Variants in JAK1 observed in about 807,000 individuals in gnomAD.
JAK1 encodes the protein Janus kinase 1.
A neutral mutation model predicts 136.6 loss-of-function variants in JAK1; 16 were observed. That is an observed-to-expected ratio of 0.12 (90% CI 0.08 to 0.18). The LOEUF (loss-of-function observed/expected upper bound fraction) is 0.18. Among genes scored for constraint, JAK1 ranks in the 10% least tolerant of loss-of-function variants. The pLI, the probability that JAK1 is intolerant of heterozygous loss-of-function variation, is 1.00. For synonymous variants in JAK1, 492 were observed against 519.5 expected (o/e 0.95, Z 0.72); for missense variants, 859 against 1,450.1 (o/e 0.59, Z 6.62).
At position 64,883,327 on chromosome 1, in the gene JAK1, C is replaced by A; in HGVS notation, c.155G>T (p.Ser52Ile). The change falls in exon 3 of 25, where the codon AGT becomes ATT. Residue 52 changes from serine to isoleucine, a missense_variant. By Grantham distance (142) the Ser-to-Ile change is moderately radical. This residue lies in a region of JAK1 where 353 missense variants were observed against 494.0 expected (regional missense o/e 0.71). Coordinates refer to ENST00000342505, the MANE Select transcript of JAK1 (RefSeq NM_002227.4). ...CAGTTCCTCTGCTGTGTACTCTCCA[C>A]TGCCCAGCCGGAGGGGCTCCCTGTC... is the stretch of plus-strand genomic sequence containing the variant. ...LSDREPLRLG[S>I]GEYTAEELCI... 1 of 1,614,198 alleles carries A rather than the reference C, an allele frequency of 6.2e-7. No individual in the cohort carries two copies. Among genetic ancestry groups the A allele is most frequent in the Non-Finnish European group, 8.5e-7 (1 of 1,180,010 alleles).
chr1:64,865,091 C>T (rs1004471720), intron 7 of JAK1, 119 bp from the exon 8 acceptor site: 6 of 743,406 alleles, frequency 8.1e-6, no homozygotes, highest in Non-Finnish European at 1.3e-5. Context: ...AAAGCCAGCT[C>T]TTCTGGACTT....
chr1:64,917,568 C>T (rs988192543), intron 1 of JAK1, among the ~76,000 whole-genome samples: 7 of 152,094 alleles, frequency 4.6e-5, no homozygotes, highest in African/African-American at 1.7e-4. Context: ...TGCCAAGATC[C>T]CCGTAGACTG....
At chr1:65,023,485 C>T (rs1646953460) in intron 2 of JAK1, among the ~76,000 whole-genome samples, 1 of 152,008 alleles carries the variant, frequency 6.6e-6, no homozygotes. Context: ...CTAGTCAAAC[C>T]CCCTTTCCTT....
At position 64,845,656 on chromosome 1, in the gene JAK1, T is replaced by C. The variant is rs1429548902; in HGVS notation, c.1988-16A>G. On this transcript the variant is annotated splice_polypyrimidine_tract_variant and intron_variant, in intron 14 of 24. Transcript: ENST00000342505. ...ACCATGATATCTGTAGGCATAAAAA[T>C]AGCCATGTCTGGAACCTGGTCTGTG... The C allele has an allele frequency of 6.2e-7, 1 of 1,614,128 alleles. No homozygotes were observed. The highest frequency in any genetic ancestry group is 8.5e-7 in the Non-Finnish European group (1 of 1,180,020).
chr1:64,928,084 A>G (rs893388360), intron 1 of JAK1, among the ~76,000 whole-genome samples: 1 of 152,218 alleles, frequency 6.6e-6, no homozygotes. Flanking sequence ...GTTTAATGGC[A>G]CAAAAGGCAC....
intron 1 of JAK1, among the ~76,000 whole-genome samples, chr1:64,889,085 T>C (rs1027854151): frequency 9.9e-5 from 15 of 152,230 alleles, no homozygotes; most frequent in African/African-American, 3.6e-4. Context: ...CCAAATAATA[T>C]TTCTTCTAAA....
chr1:65,018,884 G>A (rs1237272878), intron 2 of JAK1, among the ~76,000 whole-genome samples: 2 of 152,102 alleles, frequency 1.3e-5, no homozygotes, highest in African/African-American at 2.4e-5. Context: ...GGTGGCGGGC[G>A]CCTGTAGTCC....
chr1:64,920,097 C>A (rs115706445), intron 1 of JAK1, among the ~76,000 whole-genome samples: 2,293 of 152,294 alleles, frequency 0.015, 27 homozygotes, highest in Non-Finnish European at 0.022. Flanking sequence ...AGTTAAAAAT[C>A]ACTATGATCA....
chr1:64,881,548 A>G (rs1252964335), intron 3 of JAK1, among the ~76,000 whole-genome samples: 1 of 152,206 alleles, frequency 6.6e-6, no homozygotes, highest in Non-Finnish European at 1.5e-5. Context: ...TTTCTGTAGT[A>G]ACAGTGAGAG....
chr1:64,891,152 A>AAG (rs750738834), intron 1 of JAK1, among the ~76,000 whole-genome samples: 8 of 152,100 alleles, frequency 5.3e-5, no homozygotes, highest in Non-Finnish European at 1.2e-4. Flanking sequence ...GAAAAAAAAA[A>AAG]CAATATCTAC....
chr1:64,841,420 C>G (rs2100975954), intron 18 of JAK1, 31 bp downstream of exon 18: 4 of 1,613,972 alleles, frequency 2.5e-6, no homozygotes, highest in Non-Finnish European at 3.4e-6. Flanking sequence ...TCTCCCCAAG[C>G]TGGGTTAAAG....
chr1:64,970,761 CAA>C (rs397862455), upstream of JAK1, among the ~76,000 whole-genome samples: 5 of 91,192 alleles, frequency 5.5e-5, no homozygotes, highest in Admixed American at 1.0e-4. Context: ...GACTCTGTCT[CAA>C]AAAAAAAAAA....
intron 1 of JAK1, among the ~76,000 whole-genome samples, chr1:64,962,270 T>C (rs1409145948): frequency 6.6e-6 from 1 of 152,216 alleles, no homozygotes; most frequent in Non-Finnish European, 1.5e-5. Context: ...AAAATGCTAG[T>C]GTGAATAGTA....
chr1:64,862,208 G>C (rs986716885), intron 8 of JAK1, among the ~76,000 whole-genome samples: 1 of 152,146 alleles, frequency 6.6e-6, no homozygotes, highest in Non-Finnish European at 1.5e-5. Flanking sequence ...AGCTGCTCTG[G>C]GTTCAAATCG....
intron 3 of JAK1, among the ~76,000 whole-genome samples, chr1:64,882,245 G>T (rs1644784756): frequency 6.6e-6 from 1 of 152,152 alleles, no homozygotes. Context: ...CAGAAAGAAG[G>T]TAGGTTTTCT....
chr1:65,039,302 G>A (rs144299251), intron 2 of JAK1, among the ~76,000 whole-genome samples: 38 of 152,316 alleles, frequency 2.5e-4, no homozygotes, highest in African/African-American at 8.4e-4. Context: ...TCAGTGTGGA[G>A]TATAGAGATA....
At chr1:64,886,031 T>C (rs1047179661) in intron 2 of JAK1, among the ~76,000 whole-genome samples, 1 of 152,220 alleles carries the variant, frequency 6.6e-6, no homozygotes, top group African/African-American at 2.4e-5. Context: ...GTGGTGAACA[T>C]CTAGGAGAGA....
chr1:65,052,068 T>C (rs926965104), intron 1 of JAK1, among the ~76,000 whole-genome samples: 5 of 150,158 alleles, frequency 3.3e-5, no homozygotes, highest in African/African-American at 1.2e-4. Flanking sequence ...CAATCCTGCC[T>C]CAGCCTCCGG....
At chr1:64,952,416 A>G (rs1437861623) in intron 1 of JAK1, among the ~76,000 whole-genome samples, 1 of 152,206 alleles carries the variant, frequency 6.6e-6, no homozygotes, top group Non-Finnish European at 1.5e-5. Context: ...CATTCAATAA[A>G]CAATTAGGCA....
Sources: allele counts gnomAD v4.1 joint callset (sites outside exome capture counted in the v4.1 genomes callset), GRCh38; gene constraint gnomAD v4.1.1; regional missense constraint gnomAD v4.1.1; transcripts MANE v1.5; gene names NCBI Gene and HGNC (gene_info 2026-07-23, HGNC 2026-07-21).